Variants in KIF16B observed in about 807,000 individuals in gnomAD.
KIF16B encodes the protein kinesin family member 16B.
Under a neutral mutation model 156.3 loss-of-function variants are expected in KIF16B, and 98 were observed. The ratio of observed to expected loss-of-function variants is 0.63; its 90% CI spans 0.53 to 0.74. KIF16B has a LOEUF of 0.74. Among genes scored for constraint, KIF16B ranks in the 30% least tolerant of loss-of-function variants. KIF16B has a pLI of 0.00. For missense variants in KIF16B, 1,421 were observed against 1,606.5 expected, an observed-to-expected ratio of 0.88 and a Z score of 1.97; for synonymous variants, 564 against 583.7, an observed-to-expected ratio of 0.97 and a Z score of 0.49.
intron 12 of KIF16B, among the ~76,000 whole-genome samples, chr20:16,490,909 C>T (rs187787938): frequency 3.9e-5 from 6 of 152,208 alleles, no homozygotes; most frequent in South Asian, 2.1e-4. Context: ...AGCTGGCTCG[C>T]GGAATGATAA....
At chr20:16,358,307 TA>T (rs1330897609) in intron 22 of KIF16B, among the ~76,000 whole-genome samples, 4 of 152,252 alleles carry the variant, frequency 2.6e-5, no homozygotes, top group African/African-American at 9.6e-5. Context: ...TGCCTAGGGA[TA>T]CCTCCATTTA....
chr20:16,511,873 AG>A (rs1179367425), intron 5 of KIF16B, among the ~76,000 whole-genome samples: 3 of 152,314 alleles, frequency 2.0e-5, no homozygotes, highest in African/African-American at 7.2e-5. Flanking sequence ...ACATTAGGCC[AG>A]GGGTGGTGGC....
intron 1 of KIF16B, among the ~76,000 whole-genome samples, chr20:16,565,824 G>T (rs1043559393): frequency 6.6e-6 from 1 of 152,162 alleles, no homozygotes; most frequent in Non-Finnish European, 1.5e-5. Flanking sequence ...ACTGCCTTTG[G>T]GAAAGGTCAT....
intron 4 of KIF16B, 126 bp downstream of exon 4, chr20:16,515,422 T>C (rs1600596950): frequency 8.4e-6 from 5 of 593,368 alleles, no homozygotes; most frequent in Non-Finnish European, 1.2e-5. Context: ...CTGAGTTTTA[T>C]CTTATTACTA....
Position 16,506,289 on chromosome 20 carries a change from C to A in KIF16B, c.700-99G>T. 1.0e-5 allele frequency: 10 copies of A among 994,220 alleles called. No homozygotes were observed. The South Asian group carries it at 1.3e-4, about 13-fold the overall frequency. The allele number at this position is 994,220 out of a possible 1,614,324, so 61.6% of individuals were successfully genotyped here. A position where few individuals can be genotyped will look rare whatever the true frequency, so the allele number is the denominator to read the frequency against. On this transcript the variant is annotated intron_variant, in intron 7 of 25. Transcript: ENST00000354981. ...TATTTTCTGCTCCTCACTGAGATCT[C>A]TCAGGGTAGATATTTTTCAATTTTA... is the stretch of plus-strand genomic sequence containing the variant.
chr20:16,334,293 T>C (rs556726281), intron 24 of KIF16B, among the ~76,000 whole-genome samples: 1 of 152,238 alleles, frequency 6.6e-6, no homozygotes, highest in Non-Finnish European at 1.5e-5. Context: ...ACCAAGTGGT[T>C]AATGAGCTGC....
At chr20:16,340,578 T>C (rs571157949) in intron 23 of KIF16B, among the ~76,000 whole-genome samples, 28 of 152,308 alleles carry the variant, frequency 1.8e-4, no homozygotes, top group Admixed American at 6.5e-4. Context: ...TTAGTGACAA[T>C]GAATCAGCAA....
intron 12 of KIF16B, among the ~76,000 whole-genome samples, chr20:16,487,438 A>T (rs908799468): frequency 1.6e-4 from 24 of 152,234 alleles, no homozygotes; most frequent in African/African-American, 5.8e-4. Flanking sequence ...CAACAGCCCC[A>T]GTTACGAGAG....
rs182174127 is a variant in KIF16B, at chr20:16,366,809, C to T, written c.3498+3777G>A. 582 of 1,040,494 alleles carry T rather than the reference C, an allele frequency of 5.6e-4. 2 individuals are homozygous for T. Among genetic ancestry groups the T allele is most frequent in the Middle Eastern group, 3.8e-3 (8 of 2,092 alleles). 64.5% of individuals were successfully genotyped at this position (1,040,494 alleles called of 1,614,324 possible). On this transcript the variant is annotated intron_variant, in intron 22 of 25. Transcript: ENST00000354981. The stretch of plus-strand genomic sequence containing the variant: ...GGAATCCAGTAGGCACAGACAGATT[C>T]CAAGCCACCACACTATAAATCGACA...
At chr20:16,309,027 G>A (rs558581777) in intron 25 of KIF16B, among the ~76,000 whole-genome samples, 6 of 152,332 alleles carry the variant, frequency 3.9e-5, no homozygotes, top group African/African-American at 1.4e-4. Context: ...ACTGAGGGCA[G>A]AGTCTGCCCA....
intron 24 of KIF16B, among the ~76,000 whole-genome samples, chr20:16,327,984 C>T (rs1407548446): frequency 6.6e-6 from 1 of 152,110 alleles, no homozygotes; most frequent in Non-Finnish European, 1.5e-5. Context: ...TGTTATAATG[C>T]ATTTGAATAA....
chr20:16,568,267 G>A (rs1190674902), intron 1 of KIF16B, among the ~76,000 whole-genome samples: 2 of 151,558 alleles, frequency 1.3e-5, no homozygotes, highest in Non-Finnish European at 2.9e-5. Context: ...AGAAAGAATG[G>A]GGTGGATTTG....
intron 1 of KIF16B, among the ~76,000 whole-genome samples, chr20:16,558,350 C>A (rs1433122693): frequency 6.6e-6 from 1 of 152,210 alleles, no homozygotes; most frequent in Non-Finnish European, 1.5e-5. Context: ...CCGGCGTGGC[C>A]ATGTGACTAT....
intron 25 of KIF16B, among the ~76,000 whole-genome samples, chr20:16,295,962 C>T (rs565471194): frequency 3.0e-4 from 46 of 152,164 alleles, no homozygotes; most frequent in Non-Finnish European, 3.2e-4. Flanking sequence ...ATCTTGAGTA[C>T]GGCTATTCTT....
At chr20:16,423,282 C>G (rs6080255) in intron 15 of KIF16B, among the ~76,000 whole-genome samples, 1 of 152,036 alleles carries the variant, frequency 6.6e-6, no homozygotes, top group African/African-American at 2.4e-5. Flanking sequence ...CAAATGTTGA[C>G]TAGTTCTGTG....
chr20:16,542,040 T>G (rs550837796), intron 1 of KIF16B, among the ~76,000 whole-genome samples: 19 of 152,242 alleles, frequency 1.2e-4, no homozygotes, highest in Non-Finnish European at 1.9e-4. Context: ...AAAATGATGC[T>G]TTATAGGATG....
intron 4 of KIF16B, among the ~76,000 whole-genome samples, chr20:16,513,758 T>C (rs1389741694): frequency 6.6e-6 from 1 of 150,906 alleles, no homozygotes; most frequent in East Asian, 2.0e-4. Flanking sequence ...TAATACACCA[T>C]ATTATTTATA....
intron 2 of KIF16B, among the ~76,000 whole-genome samples, chr20:16,526,689 G>A (rs2069556850): frequency 6.6e-6 from 1 of 152,300 alleles, no homozygotes; most frequent in Non-Finnish European, 1.5e-5. Flanking sequence ...ACCTCTGACA[G>A]CCTAGACTCT....
At chr20:16,305,350 C>T (rs1291532611) in intron 25 of KIF16B, among the ~76,000 whole-genome samples, 2 of 152,118 alleles carry the variant, frequency 1.3e-5, no homozygotes, top group African/African-American at 4.8e-5. Context: ...ACACTGTGAT[C>T]AAATATAATC....
Sources: allele counts gnomAD v4.1 joint callset (sites outside exome capture counted in the v4.1 genomes callset), GRCh38; gene constraint gnomAD v4.1.1; transcripts MANE v1.5; gene names NCBI Gene and HGNC (gene_info 2026-07-23, HGNC 2026-07-21).